Variants in FOXN3 observed in about 807,000 individuals in gnomAD.
The protein encoded by FOXN3 is forkhead box protein N3.
Under a neutral mutation model 38.4 loss-of-function variants are expected in FOXN3, and 7 were observed. That is an observed-to-expected ratio of 0.18 (90% CI 0.10 to 0.34). FOXN3 has a LOEUF of 0.34. Ranked by LOEUF, FOXN3 falls within the 10% of genes least tolerant of loss-of-function variation. The pLI is 1.00. For synonymous variants in FOXN3, 230 were observed against 242.2 expected (o/e 0.95, Z 0.47); for missense variants, 456 against 613.4 (o/e 0.74, Z 2.71).
chr14:89,411,006 T>C (rs1891529955), intron 2 of FOXN3, among the ~76,000 whole-genome samples: 1 of 152,254 alleles, frequency 6.6e-6, no homozygotes, highest in African/African-American at 2.4e-5. Flanking sequence ...CCTGGGGCCA[T>C]GTACCAATCA....
rs1887123963 is a variant in FOXN3 at position 89,162,297 on chromosome 14, C to A, written c.*117G>T. The A allele has an allele frequency of 1.2e-5, 10 of 850,862 alleles. No individual in the cohort carries two copies. Among genetic ancestry groups the A allele is most frequent in the East Asian group, 2.9e-5 (1 of 34,614 alleles). The allele number at this position is 850,862 out of a possible 1,614,324, so 52.7% of individuals were successfully genotyped here. On this transcript the variant is annotated 3_prime_UTR_variant, in exon 6 of 6. Transcript: ENST00000557258. The surrounding 1 kb of genome is among the most constrained non-coding windows in gnomAD (Gnocchi z 7.2). ...AAAAGGAAAAGAAAAGAAAGAAAAC[C>A]AAACCAAAAACAAGAAAAAAGAAAA...
intron 1 of FOXN3, among the ~76,000 whole-genome samples, chr14:89,474,914 G>C (rs1365491429): frequency 6.6e-6 from 1 of 152,094 alleles, no homozygotes; most frequent in Non-Finnish European, 1.5e-5. Flanking sequence ...CTCCTGGGTT[G>C]AGGCAATTTT....
chr14:89,254,087 G>A (rs1317740147), intron 4 of FOXN3, among the ~76,000 whole-genome samples: 1 of 152,168 alleles, frequency 6.6e-6, no homozygotes, highest in African/African-American at 2.4e-5. Context: ...CTAACAACAT[G>A]ACATGGAGCA....
At chr14:89,189,349 CAGAG>C (rs1439264673) in intron 4 of FOXN3, among the ~76,000 whole-genome samples, 1 of 152,198 alleles carries the variant, frequency 6.6e-6, no homozygotes, top group Admixed American at 6.5e-5. Context: ...ATGTGGCCCT[CAGAG>C]AGCCAGAACC....
chr14:89,302,847 T>C (rs1357645355), intron 3 of FOXN3, among the ~76,000 whole-genome samples: 3 of 152,192 alleles, frequency 2.0e-5, no homozygotes, highest in African/African-American at 7.2e-5. Context: ...AAAGGCATTG[T>C]TCAAAGGAGT....
intron 4 of FOXN3, among the ~76,000 whole-genome samples, chr14:89,272,695 A>G (rs770404727): frequency 7.2e-5 from 11 of 152,128 alleles, no homozygotes; most frequent in Non-Finnish European, 1.5e-4. Context: ...TTTACTAAGA[A>G]TACAAAAATT....
chr14:89,193,650 C>G (rs1888023334), intron 4 of FOXN3, among the ~76,000 whole-genome samples: 5 of 152,184 alleles, frequency 3.3e-5, no homozygotes, highest in Admixed American at 3.3e-4. Flanking sequence ...TAGGTTGACA[C>G]TGGATTGTTT....
intron 3 of FOXN3, among the ~76,000 whole-genome samples, chr14:89,318,049 A>C (rs1240186930): frequency 6.6e-6 from 1 of 151,500 alleles, no homozygotes; most frequent in South Asian, 2.1e-4. Context: ...GGGGACTGCT[A>C]TATTAGGGCA....
intron 4 of FOXN3, among the ~76,000 whole-genome samples, chr14:89,261,343 C>T (rs953009770): frequency 1.3e-5 from 2 of 152,192 alleles, no homozygotes; most frequent in African/African-American, 4.8e-5. Flanking sequence ...CGGAAAGACA[C>T]ACGTGCTGCT....
At chr14:89,362,399 G>C (rs191232345) in intron 2 of FOXN3, among the ~76,000 whole-genome samples, 8 of 318 alleles carry the variant, frequency 0.025, no homozygotes, top group Non-Finnish European at 0.033. Context: ...ACCACCTCCA[G>C]CACCACCACC....
At chr14:89,475,829 C>G (rs762782432) in intron 1 of FOXN3, among the ~76,000 whole-genome samples, 2 of 152,170 alleles carry the variant, frequency 1.3e-5, no homozygotes, top group Non-Finnish European at 2.9e-5. Context: ...TCAAACAGAA[C>G]TTGGTACTAC....
At chr14:89,463,091 A>C (rs549243791) in intron 1 of FOXN3, among the ~76,000 whole-genome samples, 2,846 of 150,252 alleles carry the variant, frequency 0.019, 48 homozygotes, top group African/African-American at 0.049. Context: ...GAGATTGAGA[A>C]GATCTGGCTA....
intron 4 of FOXN3, among the ~76,000 whole-genome samples, chr14:89,262,862 T>A (rs551415743): frequency 1.3e-5 from 2 of 152,330 alleles, no homozygotes; most frequent in South Asian, 2.1e-4. Context: ...AACAAATGGT[T>A]CACTGAACTG....
chr14:89,367,153 C>T (rs1409436847), intron 2 of FOXN3, among the ~76,000 whole-genome samples: 1 of 152,196 alleles, frequency 6.6e-6, no homozygotes, highest in Non-Finnish European at 1.5e-5. Context: ...GATCACCAGT[C>T]ACCCATCTTC....
In FOXN3 at chr14:89,555,884, G is replaced by GTGTGTGT. The variant is rs59359746; in HGVS notation, c.-15+63143_-15+63144insACACACA. Among the ~76,000 whole-genome samples, 2 of 90,186 alleles carry GTGTGTGT rather than the reference G, an allele frequency of 2.2e-5. 1 individual carries two copies. Among genetic ancestry groups the GTGTGTGT allele is most frequent in the Non-Finnish European group, 5.0e-5 (2 of 39,730 alleles). The allele number at this position is 90,186 out of a possible 152,430, so 59.2% of individuals were successfully genotyped here. On this transcript the variant is annotated intron_variant, in intron 1 of 6. Transcript: ENST00000345097. ...GTGTGTGTGTGTGTGTGTATGTGGG[G>GTGTGTGT]GTGTATGTGGGGGTGTGTGTGTTGT...
intron 3 of FOXN3, chr14:89,290,230 T>C: frequency 3.4e-6 from 1 of 298,020 alleles, no homozygotes; most frequent in Non-Finnish European, 6.7e-6. Flanking sequence ...CATCCCATGC[T>C]GTCTTGAACT....
chr14:89,617,015 G>A (rs2139963512), intron 1 of FOXN3, among the ~76,000 whole-genome samples: 1 of 148,262 alleles, frequency 6.7e-6, no homozygotes, highest in South Asian at 2.1e-4. Context: ...TGCAGGTTTT[G>A]TTTTTGTTTT....
chr14:89,594,700 T>C (rs773016217), intron 1 of FOXN3, among the ~76,000 whole-genome samples: 13 of 152,192 alleles, frequency 8.5e-5, no homozygotes, highest in Non-Finnish European at 1.5e-4. Context: ...CTCATTTTAG[T>C]ATAGTCCAAT....
At chr14:89,261,960 C>G (rs904026186) in intron 4 of FOXN3, among the ~76,000 whole-genome samples, 4 of 151,896 alleles carry the variant, frequency 2.6e-5, no homozygotes, top group Non-Finnish European at 5.9e-5. Context: ...CAAAATTAGC[C>G]AGGTGTGGTG....
Sources: gnomAD v4.1 joint callset for allele counts (sites outside exome capture counted in the v4.1 genomes callset) on GRCh38, gnomAD v4.1.1 for gene constraint, Gnocchi (gnomAD v3.1) non-coding constraint, MANE v1.5 for transcripts, NCBI Gene and HGNC (gene_info 2026-07-23, HGNC 2026-07-21) for gene names.